HK2: variants seen among roughly 807,000 people sequenced by gnomAD.
HK2 encodes the protein hexokinase 2, also known as hexokinase-2.
In HK2, 42 loss-of-function variants were observed where a neutral mutation model predicts 92.9. The ratio of observed to expected loss-of-function variants is 0.45; its 90% CI spans 0.35 to 0.58. HK2 has a LOEUF of 0.58. HK2 is among the 20% of genes least tolerant of loss of function. HK2 has a pLI of 0.00. For synonymous variants in HK2, 422 were observed against 468.0 expected (o/e 0.90, Z 1.27); for missense variants, 978 against 1,245.1 (o/e 0.79, Z 3.23).
chr2:74,862,652 G>C (rs1688856995), intron 2 of HK2, among the ~76,000 whole-genome samples: 2 of 152,240 alleles, frequency 1.3e-5, no homozygotes, highest in Admixed American at 1.3e-4. Context: ...TCCAGAGCTA[G>C]CACACAGCAA....
intron 12 of HK2, 35 bp downstream of exon 12, chr2:74,882,274 C>G: frequency 6.2e-7 from 1 of 1,613,068 alleles, no homozygotes; most frequent in Non-Finnish European, 8.5e-7. Context: ...CTCCTGTGGG[C>G]TTTATTGACT....
chr2:74,855,588 A>G (rs1267969748), intron 2 of HK2, among the ~76,000 whole-genome samples: 1 of 152,218 alleles, frequency 6.6e-6, no homozygotes, highest in African/African-American at 2.4e-5. Context: ...CAGGCAGGGG[A>G]AAAAGGATCA....
At chr2:74,877,601 A>T (rs1361621342) in intron 8 of HK2, among the ~76,000 whole-genome samples, 1 of 152,196 alleles carries the variant, frequency 6.6e-6, no homozygotes, top group Non-Finnish European at 1.5e-5. Context: ...TTAAAGCTGG[A>T]GGACCCCAGA....
At chr2:74,863,651 G>T (rs1344420009) in intron 2 of HK2, among the ~76,000 whole-genome samples, 1 of 152,134 alleles carries the variant, frequency 6.6e-6, no homozygotes, top group Non-Finnish European at 1.5e-5. Flanking sequence ...TTCATTTGGA[G>T]TATATGCCAT....
At chr2:74,863,425 A>G (rs907925608) in intron 2 of HK2, among the ~76,000 whole-genome samples, 1 of 152,214 alleles carries the variant, frequency 6.6e-6, no homozygotes, top group Non-Finnish European at 1.5e-5. Flanking sequence ...GCCTTTAATG[A>G]CACGGAGTAT....
chr2:74,866,854 T>A (rs3771772), intron 2 of HK2, among the ~76,000 whole-genome samples: 26,325 of 152,088 alleles, frequency 0.17, 2,806 homozygotes, highest in Admixed American at 0.31. Context: ...AATGTGTTGG[T>A]CCTCATTCCA....
In HK2 at chr2:74,834,408, C is replaced by T; in HGVS notation, c.-173C>T. On this transcript the variant is annotated 5_prime_UTR_variant, in exon 1 of 18. Transcript: ENST00000290573. The surrounding 1 kb of genome is among the most constrained non-coding windows in gnomAD (Gnocchi z 4.2). ...AAATCACGTCTCCGGAGACCCGCGCCCTCCGCCAGCCGGGCGCACCCTCGC... is the reference window on the plus strand; with the variant it reads ...AAATCACGTCTCCGGAGACCCGCGCTCTCCGCCAGCCGGGCGCACCCTCGC... 1 of 683,716 alleles carries T rather than the reference C, an allele frequency of 1.5e-6. No individual in the cohort carries two copies. 42.4% of individuals were successfully genotyped at this position (683,716 alleles called of 1,614,324 possible). A position where few individuals can be genotyped will look rare whatever the true frequency, so the allele number is the denominator to read the frequency against.
chr2:74,879,025 G>A (rs1417597219), intron 9 of HK2, 104 bp downstream of exon 9: 5 of 959,722 alleles, frequency 5.2e-6, no homozygotes, highest in Admixed American at 4.0e-5. Flanking sequence ...TGGTGTGGAG[G>A]GACCATAGAG....
chr2:74,884,122 A>G (rs1459139641), intron 12 of HK2, among the ~76,000 whole-genome samples: 3 of 152,344 alleles, frequency 2.0e-5, no homozygotes, highest in South Asian at 4.1e-4. Context: ...ATATTTATTT[A>G]TATATTTGCC....
rs1200154612 is a variant in HK2 at position 74,888,069 on chromosome 2, A to G, written c.2375+11A>G. 6.2e-7 allele frequency: 1 copy of G among 1,614,072 alleles called. No homozygotes were observed. The highest frequency in any genetic ancestry group is 8.5e-7 in the Non-Finnish European group (1 of 1,179,916). On this transcript the variant is annotated intron_variant, in intron 16 of 17. Coordinates refer to ENST00000290573, the MANE Select transcript of HK2 (RefSeq NM_000189.5). ...GTCTCAGATTGAGAGGTGAGAGCTT[A>G]GGGCTCAGGGTAGCAGGGGGGCCAT...
intron 9 of HK2, among the ~76,000 whole-genome samples, chr2:74,879,695 C>T (rs1466939660): frequency 7.2e-5 from 11 of 152,214 alleles, no homozygotes; most frequent in Admixed American, 7.2e-4. Context: ...GAGACCATGG[C>T]TCCAAGTGGC....
chr2:74,835,082 C>G (rs555241336), intron 1 of HK2: 428 of 247,204 alleles, frequency 1.7e-3, no homozygotes, highest in Non-Finnish European at 2.7e-3. Context: ...CGCCGGGGGC[C>G]GTCCGCGCTC....
At chr2:74,865,651 C>T (rs1261275770) in intron 2 of HK2, among the ~76,000 whole-genome samples, 3 of 152,038 alleles carry the variant, frequency 2.0e-5, no homozygotes, top group East Asian at 1.9e-4. Flanking sequence ...GTAGCTAGCC[C>T]GCAGCTGTAG....
intron 12 of HK2, among the ~76,000 whole-genome samples, chr2:74,883,180 T>G (rs905432297): frequency 6.6e-6 from 1 of 152,188 alleles, no homozygotes; most frequent in Non-Finnish European, 1.5e-5. Context: ...ACGCTGCCGG[T>G]GTGTGGTATG....
chr2:74,847,278 A>G (rs1413962918), intron 1 of HK2, among the ~76,000 whole-genome samples: 2 of 152,134 alleles, frequency 1.3e-5, no homozygotes, highest in Admixed American at 6.5e-5. Flanking sequence ...TTATTCATGT[A>G]TTATGTATTT....
At chr2:74,870,143 G>A (rs1558798367) in intron 3 of HK2, among the ~76,000 whole-genome samples, 1 of 151,708 alleles carries the variant, frequency 6.6e-6, no homozygotes, top group Admixed American at 6.6e-5. Flanking sequence ...CGAGTAGCTG[G>A]GACTACAGGT....
At chr2:74,883,786 A>G (rs1689457816) in intron 12 of HK2, among the ~76,000 whole-genome samples, 1 of 152,186 alleles carries the variant, frequency 6.6e-6, no homozygotes, top group Admixed American at 6.5e-5. Flanking sequence ...TATTTAATGG[A>G]CCATTACTTA....
chr2:74,878,674 T>C lies in HK2; in HGVS notation c.1032-14T>C, dbSNP rs1304410036. 1 of 1,594,348 alleles carries C rather than the reference T, an allele frequency of 6.3e-7. No homozygotes were observed. Among genetic ancestry groups the C allele is most frequent in the Non-Finnish European group, 8.6e-7 (1 of 1,168,748 alleles). The stretch of plus-strand genomic sequence containing the variant: ...GTCAGACACAGGCCCACATGCTATC[T>C]TTCTGTTTCCCAGGGAGAAGGATGG... On this transcript the variant is annotated splice_polypyrimidine_tract_variant and intron_variant, in intron 8 of 17. Transcript: ENST00000290573.
At chr2:74,884,712 G>A (rs1344027975) in intron 12 of HK2, among the ~76,000 whole-genome samples, 8 of 152,176 alleles carry the variant, frequency 5.3e-5, no homozygotes, top group African/African-American at 1.9e-4. Flanking sequence ...TATGGAAGCC[G>A]AGCTCTTGGG....
Sources: allele counts gnomAD v4.1 joint callset (sites outside exome capture counted in the v4.1 genomes callset), GRCh38; gene constraint gnomAD v4.1.1; non-coding constraint Gnocchi (gnomAD v3.1); transcripts MANE v1.5; gene names NCBI Gene and HGNC (gene_info 2026-07-23, HGNC 2026-07-21).